The following UNC5D variants were observed in gnomAD, a reference collection of about 807,000 sequenced individuals.
The protein encoded by UNC5D is netrin receptor UNC5D.
Under a neutral mutation model 105.4 loss-of-function variants are expected in UNC5D, and 39 were observed. The ratio of observed to expected loss-of-function variants is 0.37; its 90% CI spans 0.29 to 0.48. The LOEUF (loss-of-function observed/expected upper bound fraction) is 0.48, where lower values mean the gene tolerates loss of function less well. UNC5D is among the 20% of genes least tolerant of loss of function. UNC5D has a pLI of 0.98. For synonymous variants in UNC5D, 452 were observed against 450.4 expected, an observed-to-expected ratio of 1.00 and a Z score of -0.04; for missense variants, 991 against 1,202.4, an observed-to-expected ratio of 0.82 and a Z score of 2.60.
rs571882441 is a variant in UNC5D at position 35,245,922 on chromosome 8, A to G, written c.103+10035A>G. Reference sequence around the variant, plus strand: ...TAACACTTAAACTTGGGATGTAATCACAATTTTGACTCAAAAGTCAGCTGC... The same window carrying G: ...TAACACTTAAACTTGGGATGTAATCGCAATTTTGACTCAAAAGTCAGCTGC... On this transcript the variant is annotated intron_variant, in intron 1 of 16. Transcript: ENST00000404895. 6.6e-5 allele frequency among the ~76,000 whole-genome samples: 10 copies of G among 152,296 alleles called. No homozygotes were observed. The East Asian group carries it at 1.7e-3, about 26-fold the overall frequency.
At chr8:35,628,783 A>T (rs989074546) in intron 4 of UNC5D, among the ~76,000 whole-genome samples, 1 of 152,226 alleles carries the variant, frequency 6.6e-6, no homozygotes, top group Non-Finnish European at 1.5e-5. Context: ...TTATCATGGT[A>T]TGAGACTTAC....
intron 1 of UNC5D, among the ~76,000 whole-genome samples, chr8:35,432,752 G>A (rs1386885153): frequency 6.6e-6 from 1 of 152,000 alleles, no homozygotes; most frequent in Non-Finnish European, 1.5e-5. Context: ...TTTCATCTTT[G>A]CATGAGAATA....
chr8:35,303,884 T>C (rs1808145597), intron 1 of UNC5D, among the ~76,000 whole-genome samples: 1 of 152,170 alleles, frequency 6.6e-6, no homozygotes, highest in South Asian at 2.1e-4. Context: ...TTGTGCAGTT[T>C]ACTCAGGTTC....
At chr8:35,781,132 A>T (rs2131773465) in intron 16 of UNC5D, among the ~76,000 whole-genome samples, 1 of 152,222 alleles carries the variant, frequency 6.6e-6, no homozygotes, top group African/African-American at 2.4e-5. Flanking sequence ...AGGGTCCAAA[A>T]TTTAAAAAGC....
intron 1 of UNC5D, among the ~76,000 whole-genome samples, chr8:35,470,154 G>A (rs1182145835): frequency 6.6e-6 from 1 of 152,130 alleles, no homozygotes; most frequent in Non-Finnish European, 1.5e-5. Context: ...TAGTAATTGA[G>A]GAGACAAATG....
intron 1 of UNC5D, among the ~76,000 whole-genome samples, chr8:35,369,313 T>C (rs1448901947): frequency 6.6e-6 from 1 of 152,188 alleles, no homozygotes; most frequent in Non-Finnish European, 1.5e-5. Context: ...ATACTTTGAA[T>C]TAATTTTATT....
At chr8:35,481,532 G>A (rs1034036002) in intron 1 of UNC5D, among the ~76,000 whole-genome samples, 12 of 152,108 alleles carry the variant, frequency 7.9e-5, no homozygotes, top group African/African-American at 2.9e-4. Flanking sequence ...CATTTCCATT[G>A]ACTTTCTGTA....
chr8:35,695,543 T>C (rs1231919826), intron 7 of UNC5D, among the ~76,000 whole-genome samples: 2 of 151,470 alleles, frequency 1.3e-5, no homozygotes, highest in Non-Finnish European at 2.9e-5. Flanking sequence ...CTCTTAAAAA[T>C]AAAATAAAAT....
chr8:35,547,159 G>C (rs1815749814), intron 1 of UNC5D, among the ~76,000 whole-genome samples: 1 of 152,054 alleles, frequency 6.6e-6, no homozygotes, highest in African/African-American at 2.4e-5. Flanking sequence ...CCAGTTGTTA[G>C]GAGCCATTTA....
At chr8:35,283,113 A>G (rs917617884) in intron 1 of UNC5D, among the ~76,000 whole-genome samples, 1 of 152,116 alleles carries the variant, frequency 6.6e-6, no homozygotes, top group African/African-American at 2.4e-5. Context: ...TTCATTCTGG[A>G]GGTTGTCAAT....
At chr8:35,541,122 A>G (rs1440906007) in intron 1 of UNC5D, among the ~76,000 whole-genome samples, 1 of 152,194 alleles carries the variant, frequency 6.6e-6, no homozygotes, top group Non-Finnish European at 1.5e-5. Flanking sequence ...CTGTTCACGA[A>G]TCAAGCAGTC....
chr8:35,790,463 C>T lies in UNC5D; in HGVS notation c.2762C>T (p.Ala921Val), dbSNP rs1419776435. The change falls in exon 17 of 17, where the codon GCC (alanine) becomes GTC (valine). Residue 921 changes from alanine (A) to valine (V), a missense_variant. Ala to Val is a moderately conservative substitution (Grantham distance 64, BLOSUM62 0). Coordinates refer to ENST00000404895, the MANE Select transcript of UNC5D (RefSeq NM_080872.4). Reference sequence around the variant, plus strand: ...GGTGATCTTGACTCCCTGGCCTGTGCCCTTGAAGAGATTGGGAGGACACAC... The same window carrying T: ...GGTGATCTTGACTCCCTGGCCTGTGTCCTTGAAGAGATTGGGAGGACACAC... ...HDGDLDSLAC[A>V]LEEIGRTHTK... is the part of the protein sequence containing the mutation. 2 of 1,613,906 alleles carry T rather than the reference C, an allele frequency of 1.2e-6. No individual in the cohort carries two copies. Among genetic ancestry groups the T allele is most frequent in the Non-Finnish European group, 1.7e-6 (2 of 1,179,884 alleles).
intron 1 of UNC5D, among the ~76,000 whole-genome samples, chr8:35,487,794 A>G (rs1810931380): frequency 6.6e-6 from 1 of 152,216 alleles, no homozygotes; most frequent in Non-Finnish European, 1.5e-5. Flanking sequence ...AGAAACGTGG[A>G]CATAAAAGGA....
intron 2 of UNC5D, among the ~76,000 whole-genome samples, chr8:35,555,037 T>C (rs1563530453): frequency 6.6e-6 from 1 of 152,180 alleles, no homozygotes; most frequent in Admixed American, 6.5e-5. Flanking sequence ...GATTTGAATA[T>C]AGTATCTTCC....
At chr8:35,616,537 A>G (rs375458402) in intron 4 of UNC5D, among the ~76,000 whole-genome samples, 4 of 152,246 alleles carry the variant, frequency 2.6e-5, no homozygotes, top group Admixed American at 6.5e-5. Flanking sequence ...TGGACTCTGC[A>G]CTACTTTCAG....
intron 16 of UNC5D, among the ~76,000 whole-genome samples, chr8:35,775,143 C>A (rs1321428506): frequency 6.6e-6 from 1 of 152,330 alleles, no homozygotes; most frequent in Non-Finnish European, 1.5e-5. Flanking sequence ...TTTCTCACGT[C>A]TCCCCTCTAC....
At chr8:35,672,069 CT>C (rs1233565339) in intron 4 of UNC5D, among the ~76,000 whole-genome samples, 1 of 152,022 alleles carries the variant, frequency 6.6e-6, no homozygotes, top group Non-Finnish European at 1.5e-5. Context: ...TCTTTGTAGA[CT>C]TGATTTTTCC....
chr8:35,393,148 T>TC (rs1803880416), intron 1 of UNC5D, among the ~76,000 whole-genome samples: 1 of 142,800 alleles, frequency 7.0e-6, no homozygotes, highest in Non-Finnish European at 1.5e-5. Flanking sequence ...TTTTTTTTTT[T>TC]TTTTGAGACG....
chr8:35,589,490 A>G (rs904485196), intron 3 of UNC5D, among the ~76,000 whole-genome samples: 8 of 151,548 alleles, frequency 5.3e-5, no homozygotes, highest in African/African-American at 1.9e-4. Flanking sequence ...CTGTACTGAG[A>G]TATAATCCAC....
Sources: gnomAD v4.1 joint callset for allele counts (sites outside exome capture counted in the v4.1 genomes callset) on GRCh38, gnomAD v4.1.1 for gene constraint, MANE v1.5 for transcripts, NCBI Gene and HGNC (gene_info 2026-07-23, HGNC 2026-07-21) for gene names.